The following DNAJC21 variants were observed in gnomAD, a reference collection of about 807,000 sequenced individuals.
DNAJC21 encodes DnaJ heat shock protein family (Hsp40) member C21.
A neutral mutation model predicts 72.4 loss-of-function variants in DNAJC21; 63 were observed. That is an observed-to-expected ratio of 0.87 (90% CI 0.71 to 1.07). The LOEUF (loss-of-function observed/expected upper bound fraction) is 1.07. DNAJC21 is among the 50% of genes least tolerant of loss of function. DNAJC21 has a pLI of 0.00. For synonymous variants in DNAJC21, 203 were observed against 216.7 expected (o/e 0.94, Z 0.56); for missense variants, 634 against 644.8 (o/e 0.98, Z 0.18).
At position 34,942,361 on chromosome 5, in the gene DNAJC21, G is replaced by A. The variant is rs17244776; in HGVS notation, c.983+1178G>A. 6.3e-3 allele frequency among the ~76,000 whole-genome samples: 963 copies of A among 152,142 alleles called. 7 individuals carry two copies. Among genetic ancestry groups the A allele is most frequent in the Non-Finnish European group, 9.3e-3 (631 of 67,994 alleles). Reference sequence around the variant, plus strand: ...GAGGAAACAACACGGGAGAAAATGGGAGTAGAATCAGCAAGGGAAAAAAAG... The same window carrying A: ...GAGGAAACAACACGGGAGAAAATGGAAGTAGAATCAGCAAGGGAAAAAAAG... On this transcript the variant is annotated intron_variant, in intron 7 of 11. Coordinates refer to ENST00000648817, the MANE Select transcript of DNAJC21 (RefSeq NM_001012339.3).
chr5:34,944,977 C>T lies in DNAJC21; in HGVS notation c.1094C>T (p.Pro365Leu). Residue 365 changes from proline (P) to leucine (L), a missense_variant, in exon 8 of 12, where the codon CCA becomes CTA. Physicochemically the swap from Pro to Leu is moderately conservative, Grantham distance 98. Coordinates refer to ENST00000648817, the MANE Select transcript of DNAJC21 (RefSeq NM_001012339.3). Reference protein sequence around the residue: ...NFSRPQIDENPLDDNSEEEME... With the variant: ...NFSRPQIDENLLDDNSEEEME... ...TCAAGACCTCAAATTGATGAAAATC[C>T]ATTAGATGACAATTCTGAGGAAGAA... 1 of 1,614,006 alleles carries T rather than the reference C, an allele frequency of 6.2e-7. No homozygotes were observed. The highest frequency in any genetic ancestry group is 1.1e-5 in the South Asian group (1 of 91,010).
intron 2 of DNAJC21, among the ~76,000 whole-genome samples, chr5:34,934,947 C>T (rs1474307994): frequency 1.3e-5 from 2 of 152,214 alleles, no homozygotes; most frequent in African/African-American, 4.8e-5. Context: ...CTTTTGCCTT[C>T]TTCCCAGAAC....
intron 10 of DNAJC21, 92 bp downstream of exon 10, chr5:34,950,434 G>T: frequency 1.4e-6 from 2 of 1,479,804 alleles, no homozygotes; most frequent in East Asian, 4.9e-5. Context: ...TCTTTCCCAT[G>T]ACTGACCAGG....
Position 34,941,192 on chromosome 5 carries a change from A to G in DNAJC21, c.983+9A>G. On this transcript the variant is annotated intron_variant, in intron 7 of 11. Transcript: ENST00000648817. ...TTCAAGACAGAAAAGGCGTAAGTTT[A>G]TTAATTTAATTTAATTTAATTTTGA... 6.2e-7 allele frequency: 1 copy of G among 1,611,188 alleles called. No individual in the cohort carries two copies. The highest frequency in any genetic ancestry group is 8.5e-7 in the Non-Finnish European group (1 of 1,177,758).
At chr5:34,942,694 C>G (rs1184497117) in intron 7 of DNAJC21, among the ~76,000 whole-genome samples, 3 of 152,188 alleles carry the variant, frequency 2.0e-5, no homozygotes, top group Admixed American at 2.0e-4. Context: ...AACACACACA[C>G]AGTATTTTTC....
chr5:34,947,777 T>C lies in DNAJC21; in HGVS notation c.1185+1974T>C, dbSNP rs140177913. 1.1e-4 allele frequency among the ~76,000 whole-genome samples: 16 copies of C among 152,174 alleles called. No homozygotes were observed. The East Asian group carries it at 1.5e-3, about 15-fold the overall frequency. On this transcript the variant is annotated intron_variant, in intron 9 of 11. Coordinates refer to ENST00000648817, the MANE Select transcript of DNAJC21 (RefSeq NM_001012339.3). The stretch of plus-strand genomic sequence containing the variant: ...TTCTGTGCCGTATTCTGTTCTGTTA[T>C]CTGTTTTTCTGTCTTTGTGTCAGTA...
In DNAJC21 at chr5:34,956,052, CAAAAAAAAAAAAAAA is replaced by C; in HGVS notation, c.*1347_*1361del. 1 of 54,758 alleles carries C rather than the reference CAAAAAAAAAAAAAAA, an allele frequency of 1.8e-5. No homozygotes were observed. Among genetic ancestry groups the C allele is most frequent in the Admixed American group, 2.1e-4 (1 of 4,856 alleles). The allele number at this position is 54,758 out of a possible 1,614,324, so 3.4% of individuals were successfully genotyped here. A position where few individuals can be genotyped will look rare whatever the true frequency, so the allele number is the denominator to read the frequency against. On this transcript the variant is annotated 3_prime_UTR_variant, in exon 12 of 12. Transcript: ENST00000648817. ...TGGGCGACAGAGCGAGACTCCGTCT[CAAAAAAAAAAAAAAA>C]AAAAAAAAGAAAGTAATTTTAAACT...
chr5:34,935,763 A>G lies in DNAJC21; in HGVS notation c.245A>G (p.Gln82Arg), dbSNP rs763463828. The change falls in exon 3 of 12, where the codon CAA becomes CGA. Residue 82 changes from glutamine (Q) to arginine (R), a missense_variant. Coordinates refer to ENST00000648817, the MANE Select transcript of DNAJC21 (RefSeq NM_001012339.3). ...LLKGGFDGEY[Q>R]DDSLDLLRYF... ...AAAGGTGGGTTTGATGGCGAATATC[A>G]AGATGACAGCTTAGATTTGCTACGC... 5.6e-6 allele frequency: 9 copies of G among 1,613,936 alleles called. No individual in the cohort carries two copies. The African/African-American group carries it at 9.3e-5, about 17-fold the overall frequency.
rs990929395 is a variant in DNAJC21 at position 34,958,536 on chromosome 5, A to G, written c.*3822A>G. On this transcript the variant is annotated 3_prime_UTR_variant, in exon 12 of 12. Coordinates refer to ENST00000648817, the MANE Select transcript of DNAJC21 (RefSeq NM_001012339.3). ...TCTTTAAAGCAAGACACAAAAGCATACACAGGAAAAAATGATGCATAAAAA... is the reference window on the plus strand; with the variant it reads ...TCTTTAAAGCAAGACACAAAAGCATGCACAGGAAAAAATGATGCATAAAAA... 5.9e-5 allele frequency: 9 copies of G among 152,376 alleles called. No individual in the cohort carries two copies. The South Asian group carries it at 1.0e-3, about 18-fold the overall frequency. The allele number at this position is 152,376 out of a possible 1,614,324, so 9.4% of individuals were successfully genotyped here. A position where few individuals can be genotyped will look rare whatever the true frequency, so the allele number is the denominator to read the frequency against.
intron 10 of DNAJC21, chr5:34,950,664 G>C (rs992262826): frequency 2.0e-6 from 2 of 1,011,810 alleles, no homozygotes; most frequent in African/African-American, 3.4e-5. Flanking sequence ...ACTCACATGA[G>C]AACAAGACTC....
Position 34,936,113 on chromosome 5 carries a change from TTAA to T in DNAJC21, c.316-30_316-28del, listed in dbSNP as rs527378347. On this transcript the variant is annotated intron_variant, in intron 3 of 11. Transcript: ENST00000648817. ...TTTCTGTGATCAGGCTGCAAAAGTATTAAGAATTTGTTTTTGTTACTGTTTTTT... is the reference window on the plus strand; with the variant it reads ...TTTCTGTGATCAGGCTGCAAAAGTATGAATTTGTTTTTGTTACTGTTTTTT... 1.1e-4 allele frequency: 170 copies of T among 1,592,646 alleles called. 1 individual carries two copies. The East Asian group carries it at 2.2e-3, about 21-fold the overall frequency.
chr5:34,946,377 A>T (rs1765175134), intron 9 of DNAJC21, among the ~76,000 whole-genome samples: 1 of 152,186 alleles, frequency 6.6e-6, no homozygotes, highest in Admixed American at 6.5e-5. Context: ...CTATAAAAAT[A>T]AAGTGAATTT....
Position 34,936,131 on chromosome 5 carries a change from T to C in DNAJC21, c.316-13T>C. ...AAAAGTATTAAGAATTTGTTTTTGT[T>C]ACTGTTTTTTAGGGATTTTACACGG... On this transcript the variant is annotated splice_polypyrimidine_tract_variant and intron_variant, in intron 3 of 11. Transcript: ENST00000648817. 6.3e-7 allele frequency: 1 copy of C among 1,598,304 alleles called. No homozygotes were observed. Among genetic ancestry groups the C allele is most frequent in the Non-Finnish European group, 8.5e-7 (1 of 1,175,594 alleles).
In DNAJC21 at chr5:34,951,136, A is replaced by G. The variant is rs891487250; in HGVS notation, c.1358+794A>G. On this transcript the variant is annotated intron_variant, in intron 10 of 11. Coordinates refer to ENST00000648817, the MANE Select transcript of DNAJC21 (RefSeq NM_001012339.3). ...CACTTAGTAGTAGGAAGGAGGAAACAGATGTGGGTGAGACCTACAGTATGA... is the reference window on the plus strand; with the variant it reads ...CACTTAGTAGTAGGAAGGAGGAAACGGATGTGGGTGAGACCTACAGTATGA... 12 of 985,344 alleles carry G rather than the reference A, an allele frequency of 1.2e-5. No homozygotes were observed. The African/African-American group carries it at 2.1e-4, about 17-fold the overall frequency. The allele number at this position is 985,344 out of a possible 1,614,324, so 61.0% of individuals were successfully genotyped here. A position where few individuals can be genotyped will look rare whatever the true frequency, so the allele number is the denominator to read the frequency against.
chr5:34,944,736 T>G (rs897237333), intron 7 of DNAJC21, 131 bp from the exon 8 acceptor site: 4 of 1,257,522 alleles, frequency 3.2e-6, no homozygotes, highest in Admixed American at 2.4e-5. Flanking sequence ...AAGAAAAAAA[T>G]AAATAGAATC....
intron 2 of DNAJC21, among the ~76,000 whole-genome samples, chr5:34,935,170 A>G (rs1028487867): frequency 2.0e-5 from 3 of 152,174 alleles, no homozygotes; most frequent in Admixed American, 2.0e-4. Context: ...TACTGGTTTT[A>G]TTATTATGGA....
intron 9 of DNAJC21, among the ~76,000 whole-genome samples, chr5:34,948,280 C>T (rs992414135): frequency 2.0e-5 from 3 of 152,062 alleles, no homozygotes; most frequent in African/African-American, 2.4e-5. Flanking sequence ...CTAATGCACA[C>T]GTTTTGGTTT....
rs553237802 is a variant in DNAJC21, at chr5:34,956,008, C to T, written c.*1294C>T. ...GCGGAGCTTGCAGTGAGCCGAGATCCCGCCACTGCACTCCAGCCTGGGCGA... is the reference window on the plus strand; with the variant it reads ...GCGGAGCTTGCAGTGAGCCGAGATCTCGCCACTGCACTCCAGCCTGGGCGA... On this transcript the variant is annotated 3_prime_UTR_variant, in exon 12 of 12. Transcript: ENST00000648817. 2 of 144,360 alleles carry T rather than the reference C, an allele frequency of 1.4e-5. No homozygotes were observed. The highest frequency in any genetic ancestry group is 3.0e-5 in the Non-Finnish European group (2 of 65,938). The allele number at this position is 144,360 out of a possible 1,614,324, so 8.9% of individuals were successfully genotyped here.
intron 9 of DNAJC21, among the ~76,000 whole-genome samples, chr5:34,946,667 G>A (rs1263006520): frequency 6.6e-6 from 1 of 152,054 alleles, no homozygotes; most frequent in African/African-American, 2.4e-5. Context: ...GCAAATATGT[G>A]TTCTTTTTAT....
Sources: allele counts gnomAD v4.1 joint callset (sites outside exome capture counted in the v4.1 genomes callset), GRCh38; gene constraint gnomAD v4.1.1; transcripts MANE v1.5; gene names NCBI Gene and HGNC (gene_info 2026-07-23, HGNC 2026-07-21).